SGCZ: variants seen among roughly 807,000 people sequenced by gnomAD.
SGCZ encodes the protein sarcoglycan zeta.
A neutral mutation model predicts 41.3 loss-of-function variants in SGCZ; 40 were observed. The ratio of observed to expected loss-of-function variants is 0.97; its 90% CI spans 0.75 to 1.26. SGCZ has a LOEUF of 1.26. Among genes scored for constraint, SGCZ ranks in the 50% most tolerant of loss-of-function variants. SGCZ has a pLI of 0.00. For missense variants in SGCZ, 552 were observed against 369.8 expected (o/e 1.49, Z -4.04); for synonymous variants, 206 against 137.5 (o/e 1.50, Z -3.49).
intron 1 of SGCZ, among the ~76,000 whole-genome samples, chr8:15,008,578 G>GA (rs1802697302): frequency 2.6e-5 from 1 of 38,612 alleles, no homozygotes; most frequent in African/African-American, 1.1e-4. Context: ...GGAGGGGGAG[G>GA]GGGAGGGGAG....
chr8:15,049,967 CT>C (rs1311310827), intron 1 of SGCZ, among the ~76,000 whole-genome samples: 3 of 152,164 alleles, frequency 2.0e-5, no homozygotes, highest in African/African-American at 4.8e-5. Flanking sequence ...CATTAAACCT[CT>C]TTTACTTTAT....
chr8:14,971,348 C>G (rs1585424102), intron 1 of SGCZ, among the ~76,000 whole-genome samples: 1 of 151,944 alleles, frequency 6.6e-6, no homozygotes, highest in East Asian at 1.9e-4. Flanking sequence ...TGTTTTGTTC[C>G]TCATATTAGG....
intron 1 of SGCZ, among the ~76,000 whole-genome samples, chr8:14,984,542 G>A (rs1801769357): frequency 6.6e-6 from 1 of 151,416 alleles, no homozygotes; most frequent in Admixed American, 6.6e-5. Context: ...CTTCTATAAA[G>A]CGTGCTATAG....
intron 1 of SGCZ, among the ~76,000 whole-genome samples, chr8:15,060,821 T>G (rs1047875257): frequency 5.3e-5 from 8 of 152,150 alleles, no homozygotes; most frequent in South Asian, 2.1e-4. Context: ...TAATTAATAA[T>G]GTACCTAATT....
intron 1 of SGCZ, among the ~76,000 whole-genome samples, chr8:14,589,106 G>A (rs1805157243): frequency 6.6e-6 from 1 of 152,034 alleles, no homozygotes; most frequent in Non-Finnish European, 1.5e-5. Context: ...TAAAAATGCA[G>A]CACACCAACA....
intron 1 of SGCZ, among the ~76,000 whole-genome samples, chr8:14,611,554 A>C (rs1386370253): frequency 1.3e-5 from 2 of 152,210 alleles, no homozygotes; most frequent in African/African-American, 4.8e-5. Flanking sequence ...TCCTCCAGTA[A>C]TTTAGAGTGA....
rs186895391 is a variant in SGCZ at position 14,132,757 on chromosome 8, T to C, written c.548-24522A>G. ...TCTTTGTATGAATTGTGACTTTCTG[T>C]TGCAAACTGGGCATTTGAGTATTAT... is the stretch of plus-strand genomic sequence containing the variant. On this transcript the variant is annotated intron_variant, in intron 5 of 7. Transcript: ENST00000382080. Among the ~76,000 whole-genome samples, 1,485 of 152,314 alleles carry C rather than the reference T, an allele frequency of 9.7e-3. 13 individuals carry two copies. The highest frequency in any genetic ancestry group is 0.012 in the Non-Finnish European group (809 of 68,020).
At chr8:14,519,508 G>A (rs540695216) in intron 2 of SGCZ, among the ~76,000 whole-genome samples, 4 of 152,062 alleles carry the variant, frequency 2.6e-5, no homozygotes, top group African/African-American at 7.2e-5. Flanking sequence ...ACATTGCAAC[G>A]TTCATGTTAA....
chr8:14,868,172 G>A (rs1804001956), intron 1 of SGCZ, among the ~76,000 whole-genome samples: 1 of 152,106 alleles, frequency 6.6e-6, no homozygotes, highest in African/African-American at 2.4e-5. Context: ...AATCAACTCT[G>A]TGTGAAGATG....
rs17120992 is a variant in SGCZ, at chr8:15,132,507, G to C, written c.39+105078C>G. On this transcript the variant is annotated intron_variant, in intron 1 of 7. Coordinates refer to ENST00000382080, the MANE Select transcript of SGCZ (RefSeq NM_139167.4). ...GAAAACCAGTGGAAGGTTTACATGA[G>C]AGGGAAGACATATGAAATCAGATTT... Among the ~76,000 whole-genome samples the C allele has an allele frequency of 6.8e-3, 1,039 of 152,278 alleles. 15 individuals are homozygous for C. Among genetic ancestry groups the C allele is most frequent in the African/African-American group, 0.023 (958 of 41,560 alleles).
chr8:14,179,842 A>G (rs182465482), intron 4 of SGCZ, among the ~76,000 whole-genome samples: 1 of 152,294 alleles, frequency 6.6e-6, no homozygotes, highest in Non-Finnish European at 1.5e-5. Flanking sequence ...CACTTGGTAT[A>G]AACCCTCTAC....
chr8:14,562,347 T>C (rs1563412516), intron 1 of SGCZ, among the ~76,000 whole-genome samples: 3 of 152,122 alleles, frequency 2.0e-5, no homozygotes, highest in African/African-American at 4.8e-5. Context: ...ATTGATGCAT[T>C]ATGAATCTCA....
At chr8:14,431,138 C>G (rs1214512370) in intron 2 of SGCZ, among the ~76,000 whole-genome samples, 1 of 152,106 alleles carries the variant, frequency 6.6e-6, no homozygotes, top group East Asian at 1.9e-4. Flanking sequence ...AAATTCAATG[C>G]AATTGCCATC....
At chr8:15,130,042 T>C (rs1237339535) in intron 1 of SGCZ, among the ~76,000 whole-genome samples, 2 of 152,206 alleles carry the variant, frequency 1.3e-5, no homozygotes, top group Non-Finnish European at 2.9e-5. Flanking sequence ...TGTTCTTTTC[T>C]CTCTTCTAAT....
chr8:14,552,491 A>G lies in SGCZ; in HGVS notation c.234+2241T>C, dbSNP rs188491964. Among the ~76,000 whole-genome samples, 546 of 152,234 alleles carry G rather than the reference A, an allele frequency of 3.6e-3. 3 individuals are homozygous for G. Among genetic ancestry groups the G allele is most frequent in the Non-Finnish European group, 5.6e-3 (383 of 68,012 alleles). On this transcript the variant is annotated intron_variant, in intron 2 of 7. Coordinates refer to ENST00000382080, the MANE Select transcript of SGCZ (RefSeq NM_139167.4). ...CTTCTGATTATAAAAAGGTCAAAAC[A>G]TAATTTTTTAAAAGACATGCTTCAA... is the stretch of plus-strand genomic sequence containing the variant.
At chr8:15,155,103 G>A (rs997915169) in intron 1 of SGCZ, among the ~76,000 whole-genome samples, 1 of 151,948 alleles carries the variant, frequency 6.6e-6, no homozygotes, top group Non-Finnish European at 1.5e-5. Context: ...ACCAGCCTGG[G>A]AAACATGGTG....
chr8:15,160,152 G>C (rs1012756452), intron 1 of SGCZ, among the ~76,000 whole-genome samples: 4 of 152,062 alleles, frequency 2.6e-5, no homozygotes, highest in African/African-American at 4.8e-5. Flanking sequence ...CTGAAACTCT[G>C]TATCTTTTAA....
At chr8:14,473,455 G>A (rs1443418418) in intron 2 of SGCZ, among the ~76,000 whole-genome samples, 1 of 151,860 alleles carries the variant, frequency 6.6e-6, no homozygotes, top group Non-Finnish European at 1.5e-5. Flanking sequence ...TAAATATTAG[G>A]CAAGAAAGTA....
chr8:14,759,995 GA>G (rs1446452878), intron 1 of SGCZ, among the ~76,000 whole-genome samples: 4 of 152,118 alleles, frequency 2.6e-5, no homozygotes, highest in Non-Finnish European at 4.4e-5. Context: ...TTTAGCTATT[GA>G]GTGGTGTTTT....
Sources: gnomAD v4.1 joint callset for allele counts (sites outside exome capture counted in the v4.1 genomes callset) on GRCh38, gnomAD v4.1.1 for gene constraint, MANE v1.5 for transcripts, NCBI Gene and HGNC (gene_info 2026-07-23, HGNC 2026-07-21) for gene names.